FGF14: variants seen among roughly 807,000 people sequenced by gnomAD.
The protein encoded by FGF14 is fibroblast growth factor 14, also known as fibroblast growth factor homologous factor 4.
In FGF14, 5 loss-of-function variants were observed where a neutral mutation model predicts 25.5. The ratio of observed to expected loss-of-function variants is 0.20; its 90% confidence interval spans 0.10 to 0.41. FGF14 has a LOEUF of 0.41. Among genes scored for constraint, FGF14 ranks in the 10% least tolerant of loss-of-function variants. The pLI is 1.00. For missense variants in FGF14, 222 were observed against 320.1 expected, an observed-to-expected ratio of 0.69 and a Z score of 2.34; for synonymous variants, 138 against 118.3, an observed-to-expected ratio of 1.17 and a Z score of -1.08.
At chr13:101,917,568 G>C (rs758481652), upstream of FGF14, among the ~76,000 whole-genome samples, 1 of 151,854 alleles carries the variant, frequency 6.6e-6, no homozygotes, top group Admixed American at 6.5e-5. Context: ...TCTCAGCAGC[G>C]GTTGGAGGGC....
intron 1 of FGF14, among the ~76,000 whole-genome samples, chr13:102,240,586 C>G (rs1358838970): frequency 6.6e-6 from 1 of 152,106 alleles, no homozygotes; most frequent in Admixed American, 6.6e-5. Flanking sequence ...CTTGTAAGGA[C>G]AACTACTGCA....
At chr13:101,996,402 C>G (rs2039189148) in intron 1 of FGF14, among the ~76,000 whole-genome samples, 2 of 151,956 alleles carry the variant, frequency 1.3e-5, no homozygotes, top group African/African-American at 4.8e-5. Context: ...AAATGGATGA[C>G]TTACAGAATG....
rs551009556 is a variant in FGF14 at position 101,861,190 on chromosome 13, C to T, written c.408+7535G>A. On this transcript the variant is annotated intron_variant, in intron 3 of 4. Transcript: ENST00000376143. ...TCTGTCACAGAATTGATTCTATCTG[C>T]ACAGCTTTCCCAAGACAGCCCTGAG... Among the ~76,000 whole-genome samples, 5 of 152,210 alleles carry T rather than the reference C, an allele frequency of 3.3e-5. 1 individual carries two copies. Among genetic ancestry groups the T allele is most frequent in the Admixed American group, 3.3e-4 (5 of 15,284 alleles).
At chr13:102,014,989 C>T (rs1179889392) in intron 1 of FGF14, among the ~76,000 whole-genome samples, 1 of 152,178 alleles carries the variant, frequency 6.6e-6, no homozygotes, top group African/African-American at 2.4e-5. Context: ...GGCACAATCT[C>T]AGCTCACCGC....
intron 1 of FGF14, among the ~76,000 whole-genome samples, chr13:101,994,266 A>T (rs2039062922): frequency 6.6e-6 from 1 of 152,042 alleles, no homozygotes; most frequent in African/African-American, 2.4e-5. Context: ...CTACATGTTC[A>T]ATACATGATA....
chr13:101,975,003 T>G (rs1594880812), intron 1 of FGF14, among the ~76,000 whole-genome samples: 1 of 150,584 alleles, frequency 6.6e-6, no homozygotes. Flanking sequence ...GGCAGGGGAG[T>G]GGGGTGGGAA....
chr13:101,821,791 C>T (rs1016510747), intron 3 of FGF14, among the ~76,000 whole-genome samples: 4 of 152,090 alleles, frequency 2.6e-5, no homozygotes, highest in African/African-American at 9.7e-5. Context: ...ATGCTGAGCA[C>T]CTTTTCATAA....
chr13:101,811,021 C>G (rs2041474979), intron 3 of FGF14, among the ~76,000 whole-genome samples: 1 of 119,556 alleles, frequency 8.4e-6, no homozygotes, highest in South Asian at 3.3e-4. Context: ...TGCTCCAAAA[C>G]ACACATATCC....
intron 1 of FGF14, among the ~76,000 whole-genome samples, chr13:102,044,596 C>G (rs1314654156): frequency 6.6e-6 from 1 of 152,052 alleles, no homozygotes; most frequent in Non-Finnish European, 1.5e-5. Context: ...TACTCTGAAG[C>G]ATTAAGTTAA....
chr13:102,256,081 A>G (rs534060360), intron 1 of FGF14, among the ~76,000 whole-genome samples: 44 of 152,332 alleles, frequency 2.9e-4, no homozygotes, highest in African/African-American at 1.0e-3. Context: ...GAGGCACAGC[A>G]ATTACTCAAA....
intron 1 of FGF14, among the ~76,000 whole-genome samples, chr13:102,008,819 G>A (rs2039936398): frequency 6.6e-6 from 1 of 152,150 alleles, no homozygotes; most frequent in African/African-American, 2.4e-5. Context: ...TGAAACTGAT[G>A]TGTAATCACA....
intron 1 of FGF14, among the ~76,000 whole-genome samples, chr13:102,113,380 G>A (rs1367592917): frequency 1.3e-5 from 2 of 152,064 alleles, no homozygotes; most frequent in Non-Finnish European, 2.9e-5. Context: ...TCAGGGATAG[G>A]ACATCGATCA....
At chr13:101,810,068 T>C (rs562855454) in intron 3 of FGF14, among the ~76,000 whole-genome samples, 3 of 152,190 alleles carry the variant, frequency 2.0e-5, no homozygotes, top group Non-Finnish European at 2.9e-5. Context: ...ACAATTGTAC[T>C]AAGACATAAT....
chr13:102,054,452 C>T (rs534214075), intron 1 of FGF14, among the ~76,000 whole-genome samples: 33 of 152,284 alleles, frequency 2.2e-4, no homozygotes, highest in African/African-American at 7.9e-4. Context: ...CCCTATAAGA[C>T]AATGAATGAA....
At chr13:102,080,123 G>A (rs1209653203) in intron 1 of FGF14, among the ~76,000 whole-genome samples, 1 of 152,152 alleles carries the variant, frequency 6.6e-6, no homozygotes, top group Non-Finnish European at 1.5e-5. Flanking sequence ...TGTCTGTGTA[G>A]AGGCCTGATA....
chr13:102,306,996 T>C (rs1255432595), intron 1 of FGF14, among the ~76,000 whole-genome samples: 1 of 152,060 alleles, frequency 6.6e-6, no homozygotes, highest in Non-Finnish European at 1.5e-5. Flanking sequence ...ACCCAGGGCA[T>C]TTCTCTGGGT....
At chr13:102,046,506 G>A (rs1175888116) in intron 1 of FGF14, among the ~76,000 whole-genome samples, 1 of 152,184 alleles carries the variant, frequency 6.6e-6, no homozygotes, top group East Asian at 1.9e-4. Context: ...GGAAAAGTGA[G>A]TATAGCTACC....
In FGF14 at chr13:102,378,423, T is replaced by G. The variant is rs145292650; in HGVS notation, c.208+23048A>C. On this transcript the variant is annotated intron_variant, in intron 1 of 4. Coordinates refer to the FGF14 transcript ENST00000376131. ...GATTTATAAGCCCTATGCTACTAGC[T>G]ATAGGTAAAAGCTTTAAAATACTAT... Among the ~76,000 whole-genome samples the G allele has an allele frequency of 2.8e-3, 423 of 152,282 alleles. 1 individual carries two copies. The highest frequency in any genetic ancestry group is 9.6e-3 in the African/African-American group (398 of 41,558).
chr13:101,795,324 C>T (rs913600535), intron 3 of FGF14, among the ~76,000 whole-genome samples: 1 of 152,038 alleles, frequency 6.6e-6, no homozygotes, highest in African/African-American at 2.4e-5. Context: ...AGAGAAAGTC[C>T]TTTTAGGACT....
Sources: gnomAD v4.1 joint callset for allele counts (sites outside exome capture counted in the v4.1 genomes callset) on GRCh38, gnomAD v4.1.1 for gene constraint, MANE v1.5 for transcripts, NCBI Gene and HGNC (gene_info 2026-07-23, HGNC 2026-07-21) for gene names.